The following JMJD1C variants were observed in gnomAD, a reference collection of about 807,000 sequenced individuals.
JMJD1C encodes jumonji domain-containing protein 1C.
A neutral mutation model predicts 245.3 loss-of-function variants in JMJD1C; 31 were observed. The observed-to-expected ratio is 0.13, with a 90% CI of 0.09 to 0.17. JMJD1C has a LOEUF of 0.17. JMJD1C is among the 10% of genes least tolerant of loss of function. The probability of loss-of-function intolerance (pLI) is 1.00; values close to 1 mark genes in which losing one functional copy is unlikely to be tolerated. For synonymous variants in JMJD1C, 1,057 were observed against 1,017.4 expected (o/e 1.04, Z -0.74); for missense variants, 2,691 against 3,000.2 (o/e 0.90, Z 2.41).
chr10:63,435,711 C>T (rs1246556607), intron 1 of JMJD1C, among the ~76,000 whole-genome samples: 1 of 152,060 alleles, frequency 6.6e-6, no homozygotes, highest in Non-Finnish European at 1.5e-5. Context: ...ACGAATCTGG[C>T]CAACATGGTA....
Position 63,198,461 on chromosome 10 carries a change from G to A in JMJD1C, c.5491+52C>T, listed in dbSNP as rs1845686683. 4 of 1,129,668 alleles carry A rather than the reference G, an allele frequency of 3.5e-6. 1 individual carries two copies. Among genetic ancestry groups the A allele is most frequent in the Non-Finnish European group, 5.1e-6 (4 of 783,252 alleles). The allele number at this position is 1,129,668 out of a possible 1,614,324, so 70.0% of individuals were successfully genotyped here. A position where few individuals can be genotyped will look rare whatever the true frequency, so the allele number is the denominator to read the frequency against. On this transcript the variant is annotated intron_variant, in intron 12 of 25. Coordinates refer to ENST00000399262, the MANE Select transcript of JMJD1C (RefSeq NM_032776.3). ...TTCTTTCACAAACATAATTCAAAGA[G>A]AAATTCTTAAAATGAAATTTGTGCA...
At chr10:63,248,105 G>C (rs889831728) in intron 3 of JMJD1C, among the ~76,000 whole-genome samples, 1 of 151,954 alleles carries the variant, frequency 6.6e-6, no homozygotes, top group African/African-American at 2.4e-5. Context: ...GCGGGCGCCT[G>C]TATCCCAGCC....
intron 2 of JMJD1C, among the ~76,000 whole-genome samples, chr10:63,313,439 T>C (rs1053877917): frequency 6.6e-6 from 1 of 152,196 alleles, no homozygotes; most frequent in African/African-American, 2.4e-5. Flanking sequence ...TAATGACTAC[T>C]TTTCCTCTGG....
chr10:63,407,565 A>C (rs1949241647), intron 1 of JMJD1C, among the ~76,000 whole-genome samples: 1 of 152,200 alleles, frequency 6.6e-6, no homozygotes, highest in Non-Finnish European at 1.5e-5. Context: ...AGAGTTTCCA[A>C]TGTACTTTTT....
intron 2 of JMJD1C, among the ~76,000 whole-genome samples, chr10:63,360,434 T>C (rs552502241): frequency 6.6e-6 from 1 of 152,238 alleles, no homozygotes; most frequent in South Asian, 2.1e-4. Flanking sequence ...CCTAATCTAC[T>C]CTGTGGATAT....
Position 63,207,810 on chromosome 10 carries a change from T to G in JMJD1C, c.3859A>C (p.Thr1287Pro). ...CTGCTTTTCTCCACATGCCATTCAG[T>G]TTTCTCTTTGCTGAGGTTATTATTA... ...RPNNNLSKEK[T>P]EWHVEKSSGK... Residue 1287 changes from threonine to proline, a missense_variant, in exon 10 of 26, where the codon ACT becomes CCT. Around this residue, in one of 9 missense-constraint regions of JMJD1C, gnomAD observed 1,562 missense variants for 1,490.7 expected, o/e 1.05. Transcript: ENST00000399262. 6.2e-7 allele frequency: 1 copy of G among 1,614,154 alleles called. No individual in the cohort carries two copies. Among genetic ancestry groups the G allele is most frequent in the Non-Finnish European group, 8.5e-7 (1 of 1,180,008 alleles).
At chr10:63,383,334 G>C (rs1947357397) in intron 1 of JMJD1C, among the ~76,000 whole-genome samples, 1 of 152,048 alleles carries the variant, frequency 6.6e-6, no homozygotes, top group Non-Finnish European at 1.5e-5. Context: ...TCTGTTTCTA[G>C]TTAACTATCC....
intron 1 of JMJD1C, among the ~76,000 whole-genome samples, chr10:63,460,207 A>G (rs1952689823): frequency 6.6e-6 from 1 of 152,330 alleles, no homozygotes; most frequent in Non-Finnish European, 1.5e-5. Context: ...GAGAAACAAA[A>G]AATTTACAAT....
At chr10:63,169,550 C>A (rs1589035091) in intron 24 of JMJD1C, among the ~76,000 whole-genome samples, 2 of 151,998 alleles carry the variant, frequency 1.3e-5, no homozygotes, top group South Asian at 4.1e-4. Context: ...GAAAAAAAAT[C>A]TAATTGATGA....
At chr10:63,369,633 T>C (rs1315299523) in intron 2 of JMJD1C, among the ~76,000 whole-genome samples, 1 of 152,208 alleles carries the variant, frequency 6.6e-6, no homozygotes, top group East Asian at 1.9e-4. Context: ...ATATTAGGCA[T>C]ATTCAAAAAG....
At chr10:63,315,974 G>A (rs1939993286) in intron 2 of JMJD1C, among the ~76,000 whole-genome samples, 1 of 151,590 alleles carries the variant, frequency 6.6e-6, no homozygotes, top group Non-Finnish European at 1.5e-5. Context: ...TTCAAAATAA[G>A]CCCTGGCAAA....
upstream of JMJD1C, among the ~76,000 whole-genome samples, chr10:63,467,933 A>T (rs1230438097): frequency 6.6e-6 from 1 of 152,232 alleles, no homozygotes; most frequent in Non-Finnish European, 1.5e-5. Context: ...ATGCAAATTC[A>T]TCAGTTATTA....
chr10:63,181,257 A>C (rs1003338670), intron 22 of JMJD1C, among the ~76,000 whole-genome samples: 1 of 152,218 alleles, frequency 6.6e-6, no homozygotes, highest in Non-Finnish European at 1.5e-5. Flanking sequence ...TAAAAGCTGG[A>C]AACTTTAAAT....
At chr10:63,333,673 G>A (rs1378802890) in intron 2 of JMJD1C, among the ~76,000 whole-genome samples, 1 of 152,120 alleles carries the variant, frequency 6.6e-6, no homozygotes, top group African/African-American at 2.4e-5. Context: ...TAATTTAATT[G>A]TAATCTACAT....
intron 1 of JMJD1C, among the ~76,000 whole-genome samples, chr10:63,478,301 C>T (rs1398423283): frequency 6.6e-6 from 1 of 152,080 alleles, no homozygotes; most frequent in Non-Finnish European, 1.5e-5. Flanking sequence ...AAATAAAAAC[C>T]TATGTTCATA....
At chr10:63,236,533 T>TA (rs1850753911) in intron 3 of JMJD1C, among the ~76,000 whole-genome samples, 1 of 152,208 alleles carries the variant, frequency 6.6e-6, no homozygotes, top group African/African-American at 2.4e-5. Context: ...GCATGACTTT[T>TA]ACACAGTTGA....
At chr10:63,407,363 C>T (rs1949230292) in intron 1 of JMJD1C, among the ~76,000 whole-genome samples, 1 of 152,144 alleles carries the variant, frequency 6.6e-6, no homozygotes. Flanking sequence ...TAGGACTAGA[C>T]CCTCCTTTCA....
chr10:63,308,057 C>T (rs1345002297), intron 2 of JMJD1C, among the ~76,000 whole-genome samples: 4 of 151,814 alleles, frequency 2.6e-5, no homozygotes, highest in African/African-American at 7.3e-5. Flanking sequence ...AGGAGACTGA[C>T]GCAGAATCAT....
chr10:63,401,227 C>T (rs915042875), intron 1 of JMJD1C, among the ~76,000 whole-genome samples: 3 of 152,138 alleles, frequency 2.0e-5, no homozygotes, highest in African/African-American at 7.2e-5. Flanking sequence ...CTATTATAAG[C>T]ATGTGAAGAT....
Sources: gnomAD v4.1 joint callset for allele counts (sites outside exome capture counted in the v4.1 genomes callset) on GRCh38, gnomAD v4.1.1 for gene constraint, gnomAD v4.1.1 regional missense constraint, MANE v1.5 for transcripts, NCBI Gene and HGNC (gene_info 2026-07-23, HGNC 2026-07-21) for gene names.